The following ADGRV1 variants were observed in gnomAD, a reference collection of about 807,000 sequenced individuals.
The protein encoded by ADGRV1 is adhesion G protein-coupled receptor V1, also known as G-protein coupled receptor 98.
Under a neutral mutation model 596.2 loss-of-function variants are expected in ADGRV1, and 359 were observed. The observed-to-expected ratio is 0.60, with a 90% confidence interval of 0.55 to 0.66. The LOEUF (loss-of-function observed/expected upper bound fraction) is 0.66. Ranked by LOEUF, ADGRV1 falls within the 30% of genes least tolerant of loss-of-function variation. ADGRV1 has a pLI of 0.00. For missense variants in ADGRV1, 7,274 were observed against 7,575.6 expected, an observed-to-expected ratio of 0.96 and a Z score of 1.48; for synonymous variants, 2,681 against 2,679.2, an observed-to-expected ratio of 1.00 and a Z score of -0.02.
intron 34 of ADGRV1, among the ~76,000 whole-genome samples, chr5:90,702,575 T>A (rs1748043287): frequency 6.6e-6 from 1 of 151,964 alleles, no homozygotes; most frequent in South Asian, 2.1e-4. Flanking sequence ...AAATATTTGT[T>A]TAGTTGTCTT....
Position 90,756,999 on chromosome 5 carries a change from T to G in ADGRV1, c.11778T>G (p.Thr3926=), listed in dbSNP as rs773642824. The G allele has an allele frequency of 6.2e-7, 1 of 1,605,892 alleles. No homozygotes were observed. The highest frequency in any genetic ancestry group is 1.7e-5 in the Admixed American group (1 of 58,640). Reference sequence around the variant, plus strand: ...TAAAGGGCGCTGGGGAAGTTATTACTGCCTATGAGGTGCCTCCACCCTTGA... The same window carrying G: ...TAAAGGGCGCTGGGGAAGTTATTACGGCCTATGAGGTGCCTCCACCCTTGA... The part of the protein sequence containing the change: ...HVTRGAGEVI[T]AYEVPPPLNV... Residue 3926 remains threonine, a synonymous_variant, in exon 57 of 90, where the codon ACT becomes ACG. Transcript: ENST00000405460.
chr5:90,637,051 G>A (rs1766302759), intron 10 of ADGRV1, among the ~76,000 whole-genome samples: 2 of 152,104 alleles, frequency 1.3e-5, no homozygotes, highest in African/African-American at 2.4e-5. Flanking sequence ...CTTATACTGT[G>A]GAGAGGCACT....
At chr5:91,078,839 A>ATCT (rs748122677) in intron 86 of ADGRV1, among the ~76,000 whole-genome samples, 4 of 152,234 alleles carry the variant, frequency 2.6e-5, no homozygotes, top group Non-Finnish European at 4.4e-5. Flanking sequence ...TGGGAGAAAT[A>ATCT]GTACATTATT....
intron 1 of ADGRV1, among the ~76,000 whole-genome samples, chr5:90,594,946 C>T (rs1366105149): frequency 1.3e-5 from 2 of 149,526 alleles, no homozygotes; most frequent in African/African-American, 5.0e-5. Context: ...TCCCCCCTTT[C>T]TATTCCACAA....
At chr5:91,076,834 CTT>C (rs959007200) in intron 86 of ADGRV1, among the ~76,000 whole-genome samples, 6 of 151,194 alleles carry the variant, frequency 4.0e-5, no homozygotes, top group Admixed American at 6.6e-5. Flanking sequence ...TTCAAAATTT[CTT>C]TTTTTTTCTT....
intron 54 of ADGRV1, among the ~76,000 whole-genome samples, chr5:90,754,216 G>A (rs1755579376): frequency 6.6e-6 from 1 of 152,018 alleles, no homozygotes; most frequent in Non-Finnish European, 1.5e-5. Context: ...TGTGTACATG[G>A]CACTAAAGGT....
intron 85 of ADGRV1, among the ~76,000 whole-genome samples, chr5:91,044,790 T>A (rs1249103499): frequency 6.6e-6 from 1 of 152,218 alleles, no homozygotes; most frequent in African/African-American, 2.4e-5. Context: ...ACCCTTGTTA[T>A]GTACCAGTAT....
At chr5:90,737,635 A>C (rs1480589572) in intron 50 of ADGRV1, among the ~76,000 whole-genome samples, 1 of 151,952 alleles carries the variant, frequency 6.6e-6, no homozygotes, top group African/African-American at 2.4e-5. Flanking sequence ...TATATTTATA[A>C]TTGCTATGTC....
At chr5:91,135,433 C>G (rs1473589648) in intron 87 of ADGRV1, among the ~76,000 whole-genome samples, 1 of 152,146 alleles carries the variant, frequency 6.6e-6, no homozygotes, top group Non-Finnish European at 1.5e-5. Flanking sequence ...GATTACATAC[C>G]TTCATACCCT....
intron 21 of ADGRV1, among the ~76,000 whole-genome samples, chr5:90,662,205 T>TTC (rs1230316842): frequency 6.7e-6 from 1 of 150,202 alleles, no homozygotes; most frequent in Non-Finnish European, 1.5e-5. Flanking sequence ...TTTTTTTTTT[T>TTC]TTGAGACGGA....
At chr5:90,952,145 C>T (rs1291909084) in intron 83 of ADGRV1, among the ~76,000 whole-genome samples, 1 of 152,108 alleles carries the variant, frequency 6.6e-6, no homozygotes, top group African/African-American at 2.4e-5. Flanking sequence ...TTCTTTCTCT[C>T]TTTTTAGTAC....
chr5:90,693,761 G>A (rs1746797153), intron 32 of ADGRV1, 129 bp from the exon 33 acceptor site: 3 of 613,998 alleles, frequency 4.9e-6, no homozygotes, highest in African/African-American at 3.7e-5. Context: ...TTAAGAAACA[G>A]GATTGTGTTT....
intron 88 of ADGRV1, 110 bp downstream of exon 88, chr5:91,150,331 C>T: frequency 1.2e-6 from 1 of 817,034 alleles, no homozygotes; most frequent in Middle Eastern, 3.9e-4. Context: ...CTCTCCACCT[C>T]ATAAAGAGTA....
chr5:90,681,351 T>A lies in ADGRV1; in HGVS notation c.5561T>A (p.Ile1854Asn). The A allele has an allele frequency of 6.2e-7, 1 of 1,613,866 alleles. No individual in the cohort carries two copies. Among genetic ancestry groups the A allele is most frequent in the Non-Finnish European group, 8.5e-7 (1 of 1,179,810 alleles). The change falls in exon 27 of 90, where the codon ATT (isoleucine) becomes AAT (asparagine). Residue 1854 changes from isoleucine to asparagine, a missense_variant. Ile to Asn is a moderately radical substitution (Grantham distance 149). Coordinates refer to ENST00000405460, the MANE Select transcript of ADGRV1 (RefSeq NM_032119.4). ...LGVASQILVT[I>N]AASDHAHGVF... ...GTGGCTTCCCAAATTCTAGTGACAA[T>A]TGCAGCCTCTGACCACGCTCATGGC... is the stretch of plus-strand genomic sequence containing the variant.
intron 87 of ADGRV1, among the ~76,000 whole-genome samples, chr5:91,120,225 TG>T (rs1793191030): frequency 6.6e-6 from 1 of 152,208 alleles, no homozygotes; most frequent in Non-Finnish European, 1.5e-5. Flanking sequence ...GCAACAGCTA[TG>T]TGGCTTCGGT....
chr5:91,114,403 T>C (rs1345282456), intron 87 of ADGRV1, among the ~76,000 whole-genome samples: 1 of 152,056 alleles, frequency 6.6e-6, no homozygotes, highest in Non-Finnish European at 1.5e-5. Flanking sequence ...GGCACACGCC[T>C]GTAATTGCAG....
chr5:90,989,335 C>T (rs1419771637), intron 85 of ADGRV1, among the ~76,000 whole-genome samples: 3 of 152,196 alleles, frequency 2.0e-5, no homozygotes, highest in Non-Finnish European at 4.4e-5. Flanking sequence ...AATGCTTTGA[C>T]CCACATTCTC....
At chr5:90,690,188 C>T in intron 30 of ADGRV1, 112 bp downstream of exon 30, 3 of 651,540 alleles carry the variant, frequency 4.6e-6, no homozygotes, top group Non-Finnish European at 5.3e-6. Context: ...TCTTTCTTAA[C>T]CTGCTGTTAC....
chr5:90,851,305 G>A (rs952418715), intron 79 of ADGRV1, among the ~76,000 whole-genome samples: 4 of 152,016 alleles, frequency 2.6e-5, no homozygotes, highest in South Asian at 2.1e-4. Flanking sequence ...TGAAATTAAG[G>A]CAGGGACATG....
Sources: allele counts gnomAD v4.1 joint callset (sites outside exome capture counted in the v4.1 genomes callset), GRCh38; gene constraint gnomAD v4.1.1; transcripts MANE v1.5; gene names NCBI Gene and HGNC (gene_info 2026-07-23, HGNC 2026-07-21).